GADL1: variants seen among roughly 807,000 people sequenced by gnomAD.
The protein encoded by GADL1 is acidic amino acid decarboxylase GADL1.
In GADL1, 71 loss-of-function variants were observed where a neutral mutation model predicts 69.5. That is an observed-to-expected ratio of 1.02 (90% CI 0.84 to 1.25). The LOEUF is 1.25. Among genes scored for constraint, GADL1 ranks in the 50% most tolerant of loss-of-function variants. GADL1 has a pLI of 0.00. For synonymous variants in GADL1, 254 were observed against 214.4 expected (o/e 1.18, Z -1.62); for missense variants, 737 against 631.8 (o/e 1.17, Z -1.79).
At chr3:30,795,184 G>C (rs1050745620) in intron 12 of GADL1, among the ~76,000 whole-genome samples, 1 of 152,088 alleles carries the variant, frequency 6.6e-6, no homozygotes, top group Non-Finnish European at 1.5e-5. Context: ...TCCAACCATG[G>C]GTGAAATGCT....
At chr3:30,789,678 A>G (rs1696872555) in intron 12 of GADL1, among the ~76,000 whole-genome samples, 1 of 152,208 alleles carries the variant, frequency 6.6e-6, no homozygotes, top group African/African-American at 2.4e-5. Context: ...CTAGATCTTC[A>G]GCATAACTTG....
At chr3:30,754,900 TA>T (rs1260544359) in intron 14 of GADL1, among the ~76,000 whole-genome samples, 2 of 141,030 alleles carry the variant, frequency 1.4e-5, no homozygotes, top group African/African-American at 5.0e-5. Context: ...GTAGGATTTT[TA>T]AATTATTCAG....
chr3:30,754,695 G>A (rs1695922568), intron 14 of GADL1, among the ~76,000 whole-genome samples: 1 of 152,122 alleles, frequency 6.6e-6, no homozygotes, highest in African/African-American at 2.4e-5. Flanking sequence ...TAAGAGCTCT[G>A]GTTCTTCTAA....
intron 11 of GADL1, among the ~76,000 whole-genome samples, chr3:30,818,234 G>A (rs890318422): frequency 1.3e-5 from 2 of 152,154 alleles, no homozygotes; most frequent in Admixed American, 6.5e-5. Context: ...CTGGTCTCTT[G>A]GGCAGAGATG....
chr3:30,789,629 A>T (rs908732074), intron 12 of GADL1, among the ~76,000 whole-genome samples: 2 of 152,210 alleles, frequency 1.3e-5, no homozygotes, highest in African/African-American at 4.8e-5. Context: ...CCTACATTGA[A>T]AACCTGTTTA....
rs147331690 is a variant in GADL1, at chr3:30,846,622, G to C, written c.652-2156C>G. Among the ~76,000 whole-genome samples, 85 of 152,260 alleles carry C rather than the reference G, an allele frequency of 5.6e-4. No individual in the cohort carries two copies. In the East Asian group the frequency reaches 9.3e-3, roughly 17 times the overall value. On this transcript the variant is annotated intron_variant, in intron 6 of 14. Transcript: ENST00000282538. Reference sequence around the variant, plus strand: ...TGATTCTCAAGTTAGCTGGTAGAATGGGGTACATAAATGTTACATTTTAGA... The same window carrying C: ...TGATTCTCAAGTTAGCTGGTAGAATCGGGTACATAAATGTTACATTTTAGA...
At chr3:30,764,143 G>A (rs1698952) in intron 14 of GADL1, among the ~76,000 whole-genome samples, 66,751 of 151,658 alleles carry the variant, frequency 0.44, 14,686 homozygotes, top group African/African-American at 0.46. Context: ...ATATATTAAC[G>A]CTTTACTGAA....
At chr3:30,837,562 T>C (rs750695260) in intron 9 of GADL1, among the ~76,000 whole-genome samples, 1 of 152,136 alleles carries the variant, frequency 6.6e-6, no homozygotes, top group African/African-American at 2.4e-5. Context: ...CCCATAAATC[T>C]CTTAATGTCA....
intron 14 of GADL1, among the ~76,000 whole-genome samples, chr3:30,767,042 A>G (rs1416226190): frequency 1.3e-4 from 20 of 152,236 alleles, no homozygotes; most frequent in Non-Finnish European, 1.5e-5. Context: ...TGTGCCAGGC[A>G]CTATTCTAAG....
intron 14 of GADL1, among the ~76,000 whole-genome samples, chr3:30,772,311 GTTAA>G (rs1696435065): frequency 2.0e-5 from 3 of 152,154 alleles, no homozygotes; most frequent in South Asian, 2.1e-4. Flanking sequence ...AAGACAGCTT[GTTAA>G]TTACTTTTAA....
intron 13 of GADL1, among the ~76,000 whole-genome samples, chr3:30,785,916 GC>G (rs1696779300): frequency 6.6e-6 from 1 of 152,008 alleles, no homozygotes; most frequent in African/African-American, 2.4e-5. Context: ...TCCAACATCA[GC>G]AAAATGACTT....
At chr3:30,874,469 G>A (rs886740184) in intron 1 of GADL1, among the ~76,000 whole-genome samples, 3 of 151,928 alleles carry the variant, frequency 2.0e-5, no homozygotes, top group Non-Finnish European at 1.5e-5. Context: ...GGCCAAGGAT[G>A]TTTTTGGCCA....
At chr3:30,764,778 C>CT (rs1483254711) in intron 14 of GADL1, among the ~76,000 whole-genome samples, 2 of 152,190 alleles carry the variant, frequency 1.3e-5, no homozygotes, top group African/African-American at 4.8e-5. Flanking sequence ...TCAGTGTCGG[C>CT]TCACCCCAGG....
intron 11 of GADL1, among the ~76,000 whole-genome samples, chr3:30,807,558 T>C (rs965580242): frequency 6.6e-6 from 1 of 152,170 alleles, no homozygotes. Flanking sequence ...ACTCTAAAGG[T>C]ATCACATAAA....
chr3:30,834,572 T>C (rs983184659), intron 9 of GADL1, among the ~76,000 whole-genome samples: 4 of 152,058 alleles, frequency 2.6e-5, no homozygotes, highest in African/African-American at 9.7e-5. Flanking sequence ...TCAAAGTCCA[T>C]GCCCTCTTGA....
chr3:30,778,800 A>C (rs1473781088), intron 13 of GADL1: 1 of 152,282 alleles, frequency 6.6e-6, no homozygotes, highest in Non-Finnish European at 1.5e-5. Context: ...TGAAAAAAGA[A>C]CATCACCTTG....
chr3:30,796,328 T>TG (rs1697031887), intron 12 of GADL1, among the ~76,000 whole-genome samples: 1 of 152,116 alleles, frequency 6.6e-6, no homozygotes, highest in South Asian at 2.1e-4. Context: ...TTTTCACCAC[T>TG]GGGTTATCTC....
chr3:30,894,156 C>G (rs979730105), intron 1 of GADL1, among the ~76,000 whole-genome samples: 7 of 152,166 alleles, frequency 4.6e-5, no homozygotes, highest in African/African-American at 1.4e-4. Context: ...ACGGTGGCCT[C>G]TTTTAACCCC....
chr3:30,811,020 A>G (rs770992338), intron 11 of GADL1, among the ~76,000 whole-genome samples: 4 of 152,146 alleles, frequency 2.6e-5, no homozygotes, highest in Non-Finnish European at 5.9e-5. Flanking sequence ...AAATATTCTG[A>G]ACACTTAGTG....
Sources: gnomAD v4.1 joint callset for allele counts (sites outside exome capture counted in the v4.1 genomes callset) on GRCh38, gnomAD v4.1.1 for gene constraint, MANE v1.5 for transcripts, NCBI Gene and HGNC (gene_info 2026-07-23, HGNC 2026-07-21) for gene names.